KIAA1217: variants seen among roughly 807,000 people sequenced by gnomAD.
KIAA1217 encodes the protein KIAA1217, also known as sickle tail protein homolog.
In KIAA1217, 88 loss-of-function variants were observed where a neutral mutation model predicts 163.9. That is an observed-to-expected ratio of 0.54 (90% CI 0.45 to 0.64). KIAA1217 has a LOEUF of 0.64. Among genes scored for constraint, KIAA1217 ranks in the 30% least tolerant of loss-of-function variants. The pLI, the probability that KIAA1217 is intolerant of heterozygous loss-of-function variation, is 0.00. For synonymous variants in KIAA1217, 903 were observed against 923.1 expected (o/e 0.98, Z 0.39); for missense variants, 2,372 against 2,475.0 (o/e 0.96, Z 0.88).
chr10:24,132,374 G>T (rs1435037759), intron 2 of KIAA1217, among the ~76,000 whole-genome samples: 1 of 152,220 alleles, frequency 6.6e-6, no homozygotes, highest in African/African-American at 2.4e-5. Context: ...CCTGTGGTTG[G>T]TCCTGAATGC....
At chr10:24,269,952 C>T (rs1349918944) in intron 2 of KIAA1217, among the ~76,000 whole-genome samples, 1 of 152,138 alleles carries the variant, frequency 6.6e-6, no homozygotes, top group African/African-American at 2.4e-5. Flanking sequence ...CTTCCCACTA[C>T]CATCATCTGC....
chr10:24,361,771 C>A (rs1052525362), intron 2 of KIAA1217, among the ~76,000 whole-genome samples: 4 of 151,896 alleles, frequency 2.6e-5, no homozygotes, highest in African/African-American at 9.7e-5. Context: ...GTCAGGAGAT[C>A]GAGACCATCC....
intron 2 of KIAA1217, among the ~76,000 whole-genome samples, chr10:24,172,260 G>A (rs575799543): frequency 3.0e-4 from 45 of 152,250 alleles, no homozygotes; most frequent in Non-Finnish European, 4.4e-4. Flanking sequence ...TACAGGAAAC[G>A]CTGTCAAATA....
chr10:24,523,970 G>A (rs770537673), intron 12 of KIAA1217, among the ~76,000 whole-genome samples: 3 of 152,138 alleles, frequency 2.0e-5, no homozygotes, highest in African/African-American at 4.8e-5. Context: ...GAATGTGGGC[G>A]GCCCACCCAA....
intron 1 of KIAA1217, among the ~76,000 whole-genome samples, chr10:23,971,964 C>T (rs1845334046): frequency 6.6e-6 from 1 of 152,150 alleles, no homozygotes; most frequent in Admixed American, 6.5e-5. Context: ...TTCTGGAATC[C>T]ACCTATGACC....
chr10:23,774,604 T>C (rs527993522), intron 1 of KIAA1217, among the ~76,000 whole-genome samples: 1 of 152,242 alleles, frequency 6.6e-6, no homozygotes, highest in Non-Finnish European at 1.5e-5. Flanking sequence ...CAGGCTCGAA[T>C]TGGGCCAAGG....
chr10:24,404,186 G>A (rs1018267957), intron 3 of KIAA1217, among the ~76,000 whole-genome samples: 11 of 152,104 alleles, frequency 7.2e-5, no homozygotes, highest in Admixed American at 3.3e-4. Flanking sequence ...CTCGAACTCT[G>A]GGGTCAAGCG....
intron 2 of KIAA1217, among the ~76,000 whole-genome samples, chr10:24,084,110 A>G (rs1477828390): frequency 6.6e-6 from 1 of 152,330 alleles, no homozygotes; most frequent in East Asian, 1.9e-4. Flanking sequence ...CTTTGCTCAA[A>G]ACATCATCTT....
chr10:24,315,835 A>C (rs2043281975), intron 2 of KIAA1217, among the ~76,000 whole-genome samples: 1 of 151,158 alleles, frequency 6.6e-6, no homozygotes, highest in South Asian at 2.1e-4. Context: ...GGAATGTATC[A>C]GTTTATACTT....
chr10:23,773,243 T>A (rs184110473), intron 1 of KIAA1217, among the ~76,000 whole-genome samples: 1 of 152,310 alleles, frequency 6.6e-6, no homozygotes, highest in East Asian at 1.9e-4. Flanking sequence ...TTCTTGTTTT[T>A]CTCAGGTTTG....
At chr10:24,271,924 C>A (rs1319032274) in intron 2 of KIAA1217, among the ~76,000 whole-genome samples, 1 of 151,826 alleles carries the variant, frequency 6.6e-6, no homozygotes, top group Admixed American at 6.6e-5. Context: ...TAAGATAGCC[C>A]ACTTAAAAGT....
At chr10:23,764,216 C>T (rs950777173) in intron 1 of KIAA1217, among the ~76,000 whole-genome samples, 1 of 152,170 alleles carries the variant, frequency 6.6e-6, no homozygotes, top group African/African-American at 2.4e-5. Flanking sequence ...CTGAACATCA[C>T]TGCTCACCAA....
chr10:24,544,902 C>A, intron 19 of KIAA1217, 79 bp from the exon 20 acceptor site: 2 of 1,499,372 alleles, frequency 1.3e-6, no homozygotes, highest in Non-Finnish European at 9.1e-7. Context: ...AGCTTCTCTG[C>A]ACATCGTGGG....
intron 2 of KIAA1217, among the ~76,000 whole-genome samples, chr10:24,288,983 C>T (rs1355929468): frequency 6.6e-6 from 1 of 152,236 alleles, no homozygotes; most frequent in Non-Finnish European, 1.5e-5. Context: ...GCAATTTATA[C>T]AGCTGCCATA....
chr10:24,189,258 T>C (rs1172722933), intron 2 of KIAA1217, among the ~76,000 whole-genome samples: 1 of 152,050 alleles, frequency 6.6e-6, no homozygotes, highest in Non-Finnish European at 1.5e-5. Context: ...AAGTGTACAC[T>C]CATTCAAAAT....
chr10:23,790,383 A>G lies in KIAA1217; in HGVS notation c.-321+95149A>G, dbSNP rs1383800771. ...CATATATACATATACATATGTATAT[A>G]TACATATGTATATATACATATATAC... On this transcript the variant is annotated intron_variant, in intron 1 of 18. Transcript: ENST00000376462. Among the ~76,000 whole-genome samples the G allele has an allele frequency of 9.7e-5, 9 of 92,850 alleles. 3 individuals carry two copies. The highest frequency in any genetic ancestry group is 5.8e-4 in the Admixed American group (5 of 8,664). 60.9% of individuals were successfully genotyped at this position (92,850 alleles called of 152,430 possible).
chr10:24,194,762 A>ATTTTTTT (rs762968095), intron 2 of KIAA1217, among the ~76,000 whole-genome samples: 1 of 97,976 alleles, frequency 1.0e-5, no homozygotes, highest in African/African-American at 4.0e-5. Flanking sequence ...AGCCAATTAA[A>ATTTTTTT]TTTTTTTTTT....
At chr10:24,247,745 G>A (rs2073988277) in intron 2 of KIAA1217, among the ~76,000 whole-genome samples, 2 of 152,174 alleles carry the variant, frequency 1.3e-5, no homozygotes, top group Non-Finnish European at 2.9e-5. Flanking sequence ...AGCTTGCAGT[G>A]AGCTGAGATT....
intron 1 of KIAA1217, among the ~76,000 whole-genome samples, chr10:23,855,798 T>C (rs942772928): frequency 6.6e-6 from 1 of 152,230 alleles, no homozygotes; most frequent in African/African-American, 2.4e-5. Flanking sequence ...TTCCAGTTGA[T>C]CGCATCGGCT....
Sources: allele counts gnomAD v4.1 joint callset (sites outside exome capture counted in the v4.1 genomes callset), GRCh38; gene constraint gnomAD v4.1.1; transcripts MANE v1.5; gene names NCBI Gene and HGNC (gene_info 2026-07-23, HGNC 2026-07-21).